MED13L: variants seen among roughly 807,000 people sequenced by gnomAD.
MED13L encodes mediator complex subunit 13L.
Under a neutral mutation model 220.9 loss-of-function variants are expected in MED13L, and 7 were observed. The ratio of observed to expected loss-of-function variants is 0.03; its 90% CI spans 0.02 to 0.06. MED13L has a LOEUF of 0.06. Ranked by LOEUF, MED13L falls within the 10% of genes least tolerant of loss-of-function variation. MED13L has a pLI of 1.00. For synonymous variants in MED13L, 1,011 were observed against 1,015.2 expected (o/e 1.00, Z 0.08); for missense variants, 1,965 against 2,760.5 (o/e 0.71, Z 6.46).
chr12:116,031,750 GAA>G (rs57114463), intron 4 of MED13L, among the ~76,000 whole-genome samples: 796 of 34,614 alleles, frequency 0.023, 45 homozygotes, highest in African/African-American at 0.05. Flanking sequence ...GAAAAGAAAA[GAA>G]AAGAAAAGAA....
At chr12:116,230,781 A>G (rs1869483574) in intron 2 of MED13L, among the ~76,000 whole-genome samples, 1 of 152,230 alleles carries the variant, frequency 6.6e-6, no homozygotes, top group African/African-American at 2.4e-5. Flanking sequence ...ATTTCAACTG[A>G]TAATAAATTC....
At chr12:116,109,525 T>TA (rs987826943) in intron 3 of MED13L, among the ~76,000 whole-genome samples, 13 of 151,420 alleles carry the variant, frequency 8.6e-5, no homozygotes, top group South Asian at 2.1e-4. Context: ...ATCATGATAT[T>TA]AAAAAAAAAC....
At chr12:116,262,777 T>C (rs1324047155) in intron 1 of MED13L, among the ~76,000 whole-genome samples, 3 of 152,198 alleles carry the variant, frequency 2.0e-5, no homozygotes, top group Non-Finnish European at 4.4e-5. Flanking sequence ...TAATTAAATG[T>C]TATAGGATCT....
intron 4 of MED13L, among the ~76,000 whole-genome samples, chr12:116,053,581 CACA>C (rs1279963116): frequency 1.3e-5 from 2 of 152,140 alleles, no homozygotes; most frequent in Non-Finnish European, 1.5e-5. Flanking sequence ...CCTTAATTCT[CACA>C]ACAACTCTAA....
In MED13L at chr12:115,972,137, G is replaced by A. The variant is rs771909088; in HGVS notation, c.5831C>T (p.Ser1944Phe). The change falls in exon 26 of 31, where the codon TCT becomes TTT. Residue 1944 changes from serine (S) to phenylalanine (F), a missense_variant. This residue lies in a region of MED13L where 23 missense variants were observed against 20.4 expected (regional missense o/e 1.12). Coordinates refer to ENST00000281928, the MANE Select transcript of MED13L (RefSeq NM_015335.5). ...GGCAACCAGGCAGGCACTAAGGATA[G>A]AAGGAGAGTCTGCGGCAGAGATTCC... ...MCGISAADSP[S>F]ILSACLVAME... is the part of the protein sequence containing the mutation. The A allele has an allele frequency of 4.3e-6, 7 of 1,613,932 alleles. No homozygotes were observed. The Admixed American group carries it at 1.0e-4, about 23-fold the overall frequency.
At chr12:116,068,563 C>T (rs182744224) in intron 4 of MED13L, among the ~76,000 whole-genome samples, 6 of 152,250 alleles carry the variant, frequency 3.9e-5, no homozygotes, top group African/African-American at 1.4e-4. Flanking sequence ...GGTAGAATAA[C>T]TGGCCTATAC....
At chr12:115,972,558 T>G (rs540455539) in intron 25 of MED13L, 11 of 367,084 alleles carry the variant, frequency 3.0e-5, no homozygotes, top group African/African-American at 2.3e-4. Context: ...GACAGCAGTG[T>G]TAGCTGCCCT....
rs1877478509 is a variant in MED13L, at chr12:115,983,462, T to C, written c.4610A>G (p.Gln1537Arg). The C allele has an allele frequency of 1.2e-6, 2 of 1,614,076 alleles. No individual in the cohort carries two copies. Among genetic ancestry groups the C allele is most frequent in the African/African-American group, 2.7e-5 (2 of 74,930 alleles). Reference protein sequence around the residue: ...PKYQTPPAAAQGQATPGNAGP... With the variant: ...PKYQTPPAAARGQATPGNAGP... ...AGCATTCCCTGGCGTAGCTTGTCCCTGTGCTGCTGCTGGTGGGGTCTGGTA... is the reference window on the plus strand; with the variant it reads ...AGCATTCCCTGGCGTAGCTTGTCCCCGTGCTGCTGCTGGTGGGGTCTGGTA... The change falls in exon 21 of 31, where the codon CAG becomes CGG. Residue 1537 changes from glutamine to arginine, a missense_variant. By Grantham distance (43) the Gln-to-Arg change is conservative. This residue lies in a region of MED13L where 510 missense variants were observed against 620.4 expected (regional missense o/e 0.82). Transcript: ENST00000281928.
At chr12:116,113,561 G>A (rs1006458798) in intron 2 of MED13L, among the ~76,000 whole-genome samples, 2 of 150,202 alleles carry the variant, frequency 1.3e-5, no homozygotes, top group South Asian at 2.1e-4. Context: ...ACGCTGAGGC[G>A]AGAGTATTGC....
At chr12:116,268,292 T>C (rs115895721) in intron 1 of MED13L, among the ~76,000 whole-genome samples, 1 of 152,198 alleles carries the variant, frequency 6.6e-6, no homozygotes, top group Admixed American at 6.5e-5. Flanking sequence ...TAGGAGCTAG[T>C]TCCAAATGTT....
At chr12:115,992,399 A>ATT (rs11407294) in intron 16 of MED13L, among the ~76,000 whole-genome samples, 19 of 150,332 alleles carry the variant, frequency 1.3e-4, no homozygotes, top group Non-Finnish European at 2.5e-4. Context: ...CATTTTTGTC[A>ATT]TTTTTTTTTT....
intron 4 of MED13L, among the ~76,000 whole-genome samples, chr12:116,083,227 G>A (rs775603403): frequency 4.6e-5 from 7 of 151,786 alleles, no homozygotes; most frequent in East Asian, 1.9e-4. Flanking sequence ...GCCATCTGGC[G>A]AAACTGTCTC....
intron 5 of MED13L, 47 bp from the exon 6 acceptor site, chr12:116,020,019 C>A (rs573075063): frequency 7.2e-6 from 11 of 1,535,230 alleles, no homozygotes; most frequent in South Asian, 1.1e-5. Context: ...AGAAATAATT[C>A]CTACTTAAGT....
chr12:116,010,522 T>C (rs183581976), intron 9 of MED13L, among the ~76,000 whole-genome samples: 8 of 152,256 alleles, frequency 5.3e-5, no homozygotes, highest in African/African-American at 1.9e-4. Flanking sequence ...TTCAGCTACA[T>C]TGCAAAAAGG....
At chr12:116,107,002 T>C (rs1290444525) in intron 3 of MED13L, among the ~76,000 whole-genome samples, 8 of 152,180 alleles carry the variant, frequency 5.3e-5, no homozygotes, top group Admixed American at 5.2e-4. Context: ...AACCACTTAT[T>C]GAGCTCTTAC....
rs1035872493 is a variant in MED13L at position 115,978,619 on chromosome 12, G to A, written c.5364+2131C>T. Among the ~76,000 whole-genome samples, 14 of 152,050 alleles carry A rather than the reference G, an allele frequency of 9.2e-5. 1 individual carries two copies. The highest frequency in any genetic ancestry group is 1.4e-4 in the African/African-American group (6 of 41,400). Reference sequence around the variant, plus strand: ...TGGGATTATAGGCATGAGCCACCGCGCCCGGCCTGAACTGTAAAATTTTTA... The same window carrying A: ...TGGGATTATAGGCATGAGCCACCGCACCCGGCCTGAACTGTAAAATTTTTA... On this transcript the variant is annotated intron_variant, in intron 23 of 30. Transcript: ENST00000281928.
intron 2 of MED13L, among the ~76,000 whole-genome samples, chr12:116,186,875 C>T (rs1880935780): frequency 6.6e-6 from 1 of 152,188 alleles, no homozygotes; most frequent in African/African-American, 2.4e-5. Flanking sequence ...TCAACAGCAA[C>T]CTAGAAAATG....
intron 2 of MED13L, among the ~76,000 whole-genome samples, chr12:116,171,346 A>G (rs1053389920): frequency 1.3e-5 from 2 of 152,254 alleles, no homozygotes; most frequent in Non-Finnish European, 2.9e-5. Context: ...TGGGAAGGCA[A>G]TGGATTTATG....
In MED13L at chr12:116,008,699, C is replaced by G; in HGVS notation, c.1714G>C (p.Asp572His). Reference protein sequence around the residue: ...QPRGQETESLDPPSVPVNPAL... With the variant: ...QPRGQETESLHPPSVPVNPAL... ...GGATTCACAGGGACCGATGGTGGGT[C>G]CAAACTCTCTGTTTCCTGACCTCGT... The change falls in exon 10 of 31, where the codon GAC becomes CAC. Residue 572 changes from aspartate (D) to histidine (H), a missense_variant. Asp to His is a moderately conservative substitution (Grantham distance 81). Coordinates refer to ENST00000281928, the MANE Select transcript of MED13L (RefSeq NM_015335.5). The G allele has an allele frequency of 6.2e-7, 1 of 1,613,970 alleles. No homozygotes were observed. Among genetic ancestry groups the G allele is most frequent in the Admixed American group, 1.7e-5 (1 of 60,000 alleles).
Sources: gnomAD v4.1 joint callset for allele counts (sites outside exome capture counted in the v4.1 genomes callset) on GRCh38, gnomAD v4.1.1 for gene constraint, gnomAD v4.1.1 regional missense constraint, MANE v1.5 for transcripts, NCBI Gene and HGNC (gene_info 2026-07-23, HGNC 2026-07-21) for gene names.